Variants in MGAM2 observed in about 807,000 individuals in gnomAD.
The protein encoded by MGAM2 is maltase-glucoamylase 2 (putative).
A neutral mutation model predicts 96.1 loss-of-function variants in MGAM2; 98 were observed. The ratio of observed to expected loss-of-function variants is 1.02; its 90% CI spans 0.87 to 1.21. The LOEUF (loss-of-function observed/expected upper bound fraction) is 1.21, where lower values mean the gene tolerates loss of function less well. Among genes scored for constraint, MGAM2 ranks in the 50% most tolerant of loss-of-function variants. The probability of loss-of-function intolerance (pLI) is 0.00; values close to 1 mark genes in which losing one functional copy is unlikely to be tolerated. For missense variants in MGAM2, 2,055 were observed against 1,182.4 expected (o/e 1.74, Z -10.82); for synonymous variants, 749 against 414.8 (o/e 1.81, Z -9.79).
intron 44 of MGAM2, among the ~76,000 whole-genome samples, chr7:142,199,248 G>A (rs1042062148): frequency 7.9e-5 from 12 of 152,266 alleles, no homozygotes; most frequent in African/African-American, 2.2e-4. Flanking sequence ...AACAGAACAC[G>A]TCACATCAAG....
chr7:142,157,317 T>A (rs1795763269), intron 17 of MGAM2, among the ~76,000 whole-genome samples: 1 of 152,006 alleles, frequency 6.6e-6, no homozygotes, highest in Non-Finnish European at 1.5e-5. Flanking sequence ...AGTCCCACTT[T>A]ATCTCCATGG....
At chr7:142,179,688 C>T (rs1341205923) in intron 32 of MGAM2, among the ~76,000 whole-genome samples, 2 of 152,092 alleles carry the variant, frequency 1.3e-5, no homozygotes, top group East Asian at 1.9e-4. Flanking sequence ...GCCAACCTTG[C>T]GTCTCAGGGT....
intron 25 of MGAM2, among the ~76,000 whole-genome samples, chr7:142,166,712 C>T (rs939690054): frequency 6.6e-6 from 1 of 152,156 alleles, no homozygotes; most frequent in Non-Finnish European, 1.5e-5. Flanking sequence ...TATCAAACTT[C>T]CTGGTGCTCT....
chr7:142,158,159 A>G, intron 18 of MGAM2, 68 bp downstream of exon 18: 1 of 699,864 alleles, frequency 1.4e-6, no homozygotes, highest in Non-Finnish European at 2.6e-6. Flanking sequence ...TTGTGGTAGC[A>G]AGGTTAGTTA....
At chr7:142,124,814 C>G (rs1361757218) in intron 3 of MGAM2, among the ~76,000 whole-genome samples, 1 of 151,964 alleles carries the variant, frequency 6.6e-6, no homozygotes, top group Non-Finnish European at 1.5e-5. Flanking sequence ...TGATTCTATT[C>G]AAATCTTATT....
intron 15 of MGAM2, among the ~76,000 whole-genome samples, chr7:142,149,310 G>A (rs1795486104): frequency 6.6e-6 from 1 of 151,988 alleles, no homozygotes; most frequent in South Asian, 2.1e-4. Flanking sequence ...TGTGTGCCTG[G>A]ATCTTTTCCA....
intron 15 of MGAM2, among the ~76,000 whole-genome samples, chr7:142,150,164 C>T (rs1052727975): frequency 6.6e-6 from 1 of 151,960 alleles, no homozygotes. Context: ...TAGTCTCAAA[C>T]TCCCGACCTC....
At chr7:142,169,097 T>G (rs1418047529) in intron 26 of MGAM2, among the ~76,000 whole-genome samples, 2 of 152,178 alleles carry the variant, frequency 1.3e-5, no homozygotes, top group African/African-American at 4.8e-5. Flanking sequence ...ATGCTGCTGC[T>G]TTGGGTCTAA....
At position 142,131,052 on chromosome 7, in the gene MGAM2, C is replaced by A. The variant is rs1216196135; in HGVS notation, c.291C>A (p.Gly97=). 2.8e-6 allele frequency: 2 copies of A among 702,600 alleles called. No individual in the cohort carries two copies. The highest frequency in any genetic ancestry group is 5.2e-6 in the Non-Finnish European group (2 of 384,998). 43.5% of individuals were successfully genotyped at this position (702,600 alleles called of 1,614,324 possible). A position where few individuals can be genotyped will look rare whatever the true frequency, so the allele number is the denominator to read the frequency against. ...PWNWGYEASN[G]HTNTSTGFTA... The stretch of plus-strand genomic sequence containing the variant: ...ACTGGGGCTATGAAGCCAGCAATGG[C>A]CATACAAATACAAGCACAGGTGAGC... The change falls in exon 4 of 48, where the codon GGC becomes GGA. Residue 97 remains glycine, a synonymous_variant. Coordinates refer to ENST00000477922, the MANE Select transcript of MGAM2 (RefSeq NM_001293626.2).
At chr7:142,115,679 C>T (rs1817367679) in intron 1 of MGAM2, among the ~76,000 whole-genome samples, 1 of 152,038 alleles carries the variant, frequency 6.6e-6, no homozygotes, top group African/African-American at 2.4e-5. Flanking sequence ...AACCTTGTCT[C>T]TACTAAAGAT....
At chr7:142,120,512 A>G in intron 3 of MGAM2, 131 bp downstream of exon 3, 1 of 554,528 alleles carries the variant, frequency 1.8e-6, no homozygotes. Context: ...TTTCTTTCTT[A>G]TCTTATTGAA....
At chr7:142,127,877 C>T (rs1264832781) in intron 3 of MGAM2, among the ~76,000 whole-genome samples, 1 of 152,224 alleles carries the variant, frequency 6.6e-6, no homozygotes, top group East Asian at 1.9e-4. Context: ...CTGACTAATA[C>T]AGTAAATTGG....
At chr7:142,161,361 A>G (rs1795883376) in intron 22 of MGAM2, 148 bp downstream of exon 22, 1 of 516,466 alleles carries the variant, frequency 1.9e-6, no homozygotes, top group African/African-American at 1.9e-5. Flanking sequence ...TCCATTCTGA[A>G]AATTCCATTA....
At chr7:142,175,508 A>T in intron 31 of MGAM2, 144 bp from the exon 32 acceptor site, 1 of 585,936 alleles carries the variant, frequency 1.7e-6, no homozygotes. Flanking sequence ...AAAAGTCAGC[A>T]GAGGGAAGTA....
rs1237834188 is a variant in MGAM2 at position 142,190,397 on chromosome 7, G to A, written c.4346+892G>A. 2.0e-5 allele frequency among the ~76,000 whole-genome samples: 3 copies of A among 150,298 alleles called. No individual in the cohort carries two copies. The South Asian group carries it at 6.4e-4, about 32-fold the overall frequency. On this transcript the variant is annotated intron_variant, in intron 37 of 47. Transcript: ENST00000477922. ...GGTGATTCTCCAGCCTCAGACTCCC[G>A]AGTAGCTGGGATTACAGGCATAAGT...
At chr7:142,122,152 A>C (rs1453454238) in intron 3 of MGAM2, among the ~76,000 whole-genome samples, 1 of 152,198 alleles carries the variant, frequency 6.6e-6, no homozygotes, top group Non-Finnish European at 1.5e-5. Context: ...AAATTTCACC[A>C]TTAATATTTT....
intron 2 of MGAM2, among the ~76,000 whole-genome samples, chr7:142,118,875 A>G (rs1438374828): frequency 6.6e-6 from 1 of 152,228 alleles, no homozygotes; most frequent in Non-Finnish European, 1.5e-5. Context: ...TATAAGAGCT[A>G]AAACTATAAA....
chr7:142,196,523 A>G (rs1284367919), intron 38 of MGAM2, 42 bp from the exon 39 acceptor site: 10 of 708,154 alleles, frequency 1.4e-5, no homozygotes, highest in Non-Finnish European at 2.3e-5. Context: ...TCTCCTCCCA[A>G]AGTGCTCCTT....
intron 10 of MGAM2, among the ~76,000 whole-genome samples, chr7:142,139,488 G>A (rs1226665599): frequency 5.9e-5 from 9 of 151,566 alleles, no homozygotes; most frequent in African/African-American, 1.7e-4. Flanking sequence ...GTGAAACCCC[G>A]TCTCTATTAA....
Sources: allele counts gnomAD v4.1 joint callset (sites outside exome capture counted in the v4.1 genomes callset), GRCh38; gene constraint gnomAD v4.1.1; transcripts MANE v1.5; gene names NCBI Gene and HGNC (gene_info 2026-07-23, HGNC 2026-07-21).